Variants in SLC24A3 observed in about 807,000 individuals in gnomAD.
SLC24A3 encodes solute carrier family 24 member 3, also known as sodium/potassium/calcium exchanger 3.
Under a neutral mutation model 75.8 loss-of-function variants are expected in SLC24A3, and 28 were observed. That is an observed-to-expected ratio of 0.37 (90% confidence interval 0.27 to 0.51). The LOEUF is 0.51. Among genes scored for constraint, SLC24A3 ranks in the 20% least tolerant of loss-of-function variants. SLC24A3 has a pLI of 0.94. For synonymous variants in SLC24A3, 372 were observed against 334.1 expected (o/e 1.11, Z -1.24); for missense variants, 663 against 847.8 (o/e 0.78, Z 2.71).
intron 2 of SLC24A3, among the ~76,000 whole-genome samples, chr20:19,432,494 AC>A (rs777149635): frequency 4.7e-4 from 72 of 152,110 alleles, no homozygotes; most frequent in South Asian, 6.2e-4. Flanking sequence ...AAGGCAGATG[AC>A]CCCATGGAGA....
chr20:19,453,010 C>T lies in SLC24A3; in HGVS notation c.272-62478C>T, dbSNP rs556096380. Among the ~76,000 whole-genome samples the T allele has an allele frequency of 2.6e-5, 4 of 152,220 alleles. No individual in the cohort carries two copies. The South Asian group carries it at 6.2e-4, about 24-fold the overall frequency. On this transcript the variant is annotated intron_variant, in intron 2 of 16. Coordinates refer to ENST00000328041, the MANE Select transcript of SLC24A3 (RefSeq NM_020689.4). ...CAGCGTGGCCAAGATGGTGAAACCC[C>T]ATCTCTACTAACAATACAAAAATTT...
intron 2 of SLC24A3, among the ~76,000 whole-genome samples, chr20:19,340,164 T>C (rs1341309214): frequency 6.6e-6 from 1 of 152,148 alleles, no homozygotes; most frequent in Non-Finnish European, 1.5e-5. Context: ...TTTACAGAGG[T>C]AATTAAGTTA....
chr20:19,718,446 G>A (rs181869297), intron 16 of SLC24A3, among the ~76,000 whole-genome samples: 1 of 152,280 alleles, frequency 6.6e-6, no homozygotes, highest in East Asian at 1.9e-4. Context: ...TTAATGTTTT[G>A]TATACATATC....
intron 2 of SLC24A3, among the ~76,000 whole-genome samples, chr20:19,358,019 G>A (rs763274824): frequency 2.0e-5 from 3 of 152,196 alleles, no homozygotes; most frequent in African/African-American, 4.8e-5. Context: ...TACCACCACC[G>A]TAGGTCCAAT....
At chr20:19,355,973 C>A (rs1001302003) in intron 2 of SLC24A3, among the ~76,000 whole-genome samples, 1 of 152,090 alleles carries the variant, frequency 6.6e-6, no homozygotes, top group Non-Finnish European at 1.5e-5. Flanking sequence ...GCTCAATTCA[C>A]TTTAGAGACC....
rs558555978 is a variant in SLC24A3, at chr20:19,578,346, T to A, written c.349-1654T>A. Among the ~76,000 whole-genome samples, 8 of 151,528 alleles carry A rather than the reference T, an allele frequency of 5.3e-5. No individual in the cohort carries two copies. In the South Asian group the frequency reaches 1.7e-3, roughly 32 times the overall value. ...GTGTATGCATGCGTGTGTGTGTGCA[T>A]GTGTGTGTGTGCGTGTGCCTGTCCC... On this transcript the variant is annotated intron_variant, in intron 3 of 16. Transcript: ENST00000328041.
At chr20:19,552,236 C>G (rs1344932171) in intron 3 of SLC24A3, among the ~76,000 whole-genome samples, 2 of 152,200 alleles carry the variant, frequency 1.3e-5, no homozygotes, top group Non-Finnish European at 2.9e-5. Flanking sequence ...CTAAGACTCT[C>G]TCTCCAGCAG....
intron 2 of SLC24A3, among the ~76,000 whole-genome samples, chr20:19,346,729 T>C (rs1244167343): frequency 6.6e-6 from 1 of 152,022 alleles, no homozygotes; most frequent in Non-Finnish European, 1.5e-5. Context: ...AGACTACACA[T>C]TGGATACGGT....
chr20:19,668,947 T>C (rs972586149), intron 8 of SLC24A3, among the ~76,000 whole-genome samples: 1 of 152,142 alleles, frequency 6.6e-6, no homozygotes, highest in Non-Finnish European at 1.5e-5. Context: ...GTTGTTCTTT[T>C]TGGCACACTT....
chr20:19,441,730 T>A (rs1463274366), intron 2 of SLC24A3, among the ~76,000 whole-genome samples: 1 of 152,150 alleles, frequency 6.6e-6, no homozygotes, highest in African/African-American at 2.4e-5. Flanking sequence ...GGTGTATAGT[T>A]CTGTGGGGTT....
intron 3 of SLC24A3, among the ~76,000 whole-genome samples, chr20:19,556,131 C>G (rs908492038): frequency 3.9e-5 from 6 of 152,140 alleles, no homozygotes; most frequent in African/African-American, 1.4e-4. Context: ...GGGGTCTTCC[C>G]TCATGACCTA....
At chr20:19,512,156 T>C (rs1483886684) in intron 2 of SLC24A3, among the ~76,000 whole-genome samples, 1 of 152,136 alleles carries the variant, frequency 6.6e-6, no homozygotes, top group African/African-American at 2.4e-5. Context: ...ACAGTTTTGA[T>C]AGAGGAGCTC....
intron 2 of SLC24A3, among the ~76,000 whole-genome samples, chr20:19,432,916 G>A (rs1987129266): frequency 2.6e-5 from 4 of 152,172 alleles, no homozygotes; most frequent in Admixed American, 2.0e-4. Flanking sequence ...TGGAACATAA[G>A]CATGTGACAG....
At chr20:19,375,614 A>G (rs1371092454) in intron 2 of SLC24A3, among the ~76,000 whole-genome samples, 1 of 152,218 alleles carries the variant, frequency 6.6e-6, no homozygotes, top group Non-Finnish European at 1.5e-5. Flanking sequence ...GTGCCATATC[A>G]AACTCCATGA....
At chr20:19,617,559 T>A (rs1325033844) in intron 6 of SLC24A3, among the ~76,000 whole-genome samples, 5 of 152,188 alleles carry the variant, frequency 3.3e-5, no homozygotes. Flanking sequence ...TCCATGACTT[T>A]TGTTTCAGGG....
At chr20:19,622,265 T>A (rs1213823261) in intron 6 of SLC24A3, among the ~76,000 whole-genome samples, 1 of 151,990 alleles carries the variant, frequency 6.6e-6, no homozygotes, top group African/African-American at 2.4e-5. Flanking sequence ...GAGACCAGAG[T>A]GAACTCAGGC....
chr20:19,545,835 A>G (rs2030579389), intron 3 of SLC24A3, among the ~76,000 whole-genome samples: 1 of 152,160 alleles, frequency 6.6e-6, no homozygotes, highest in African/African-American at 2.4e-5. Flanking sequence ...CTTTGGACGT[A>G]AACACCATTC....
chr20:19,435,950 T>C (rs742598), intron 2 of SLC24A3, among the ~76,000 whole-genome samples: 82,133 of 151,964 alleles, frequency 0.54, 23,900 homozygotes, highest in East Asian at 0.92. Flanking sequence ...TCACCTGAAA[T>C]TCTCTGTACC....
chr20:19,635,937 G>A (rs1188886631), intron 6 of SLC24A3, among the ~76,000 whole-genome samples: 7 of 152,152 alleles, frequency 4.6e-5, no homozygotes, highest in East Asian at 1.9e-4. Flanking sequence ...TCAGGAGATC[G>A]AGACCATCCT....
Sources: allele counts gnomAD v4.1 joint callset (sites outside exome capture counted in the v4.1 genomes callset), GRCh38; gene constraint gnomAD v4.1.1; transcripts MANE v1.5; gene names NCBI Gene and HGNC (gene_info 2026-07-23, HGNC 2026-07-21).